The following SORCS3 variants were observed in gnomAD, a reference collection of about 807,000 sequenced individuals.
The protein encoded by SORCS3 is sortilin related VPS10 domain containing receptor 3.
A neutral mutation model predicts 146.3 loss-of-function variants in SORCS3; 57 were observed. The observed-to-expected ratio is 0.39, with a 90% confidence interval of 0.31 to 0.49. The LOEUF (loss-of-function observed/expected upper bound fraction) is 0.49. SORCS3 is among the 20% of genes least tolerant of loss of function. SORCS3 has a pLI of 0.92. For missense variants in SORCS3, 1,341 were observed against 1,575.5 expected (o/e 0.85, Z 2.52); for synonymous variants, 653 against 618.5 (o/e 1.06, Z -0.83).
chr10:104,953,487 C>T (rs1374151480), intron 3 of SORCS3, among the ~76,000 whole-genome samples: 1 of 152,210 alleles, frequency 6.6e-6, no homozygotes, highest in Non-Finnish European at 1.5e-5. Flanking sequence ...TTAGAAATTC[C>T]TATTTAAGAT....
chr10:105,013,061 A>T (rs529563473), intron 4 of SORCS3, among the ~76,000 whole-genome samples: 2 of 152,314 alleles, frequency 1.3e-5, no homozygotes, highest in East Asian at 3.9e-4. Context: ...ATGTTAGAAA[A>T]ATCTAAAAGT....
At chr10:105,165,087 T>C (rs976504532) in intron 12 of SORCS3, among the ~76,000 whole-genome samples, 3 of 152,162 alleles carry the variant, frequency 2.0e-5, no homozygotes. Context: ...TAAATTTAAA[T>C]ACTCTCTTAT....
chr10:105,238,262 G>A (rs1277757342), intron 20 of SORCS3, among the ~76,000 whole-genome samples: 1 of 152,204 alleles, frequency 6.6e-6, no homozygotes, highest in Non-Finnish European at 1.5e-5. Context: ...ATGCAAAGCA[G>A]TGTAAATTCC....
chr10:105,165,590 T>C (rs1039244185), intron 12 of SORCS3, among the ~76,000 whole-genome samples: 5 of 152,134 alleles, frequency 3.3e-5, no homozygotes, highest in African/African-American at 9.7e-5. Context: ...TTAAGGTTCC[T>C]ACCCACAAGG....
intron 1 of SORCS3, among the ~76,000 whole-genome samples, chr10:104,835,197 G>A (rs1440227298): frequency 6.6e-6 from 1 of 152,138 alleles, no homozygotes; most frequent in African/African-American, 2.4e-5. Context: ...CCCTGCAGGG[G>A]AGGCTCCTCT....
At chr10:104,741,134 A>ATTTTTTTTTTTTTTTTTTTTTTT (rs34447542) in intron 1 of SORCS3, among the ~76,000 whole-genome samples, 1 of 104,900 alleles carries the variant, frequency 9.5e-6, no homozygotes, top group Non-Finnish European at 1.8e-5. Context: ...GATAATTTAA[A>ATTTTTTTTTTTTTTTTTTTTTTT]TTTTTTTTTT....
chr10:104,754,624 T>A (rs2017026618), intron 1 of SORCS3, among the ~76,000 whole-genome samples: 1 of 151,900 alleles, frequency 6.6e-6, no homozygotes, highest in African/African-American at 2.4e-5. Context: ...AGACTTGGAG[T>A]TGAGAGCAGT....
intron 2 of SORCS3, among the ~76,000 whole-genome samples, chr10:104,845,972 G>A (rs1162762065): frequency 6.6e-6 from 1 of 152,098 alleles, no homozygotes; most frequent in Non-Finnish European, 1.5e-5. Context: ...CACAGAAGGG[G>A]CCCAAGCAAA....
intron 13 of SORCS3, among the ~76,000 whole-genome samples, chr10:105,177,059 T>G (rs1457447691): frequency 1.3e-5 from 2 of 151,912 alleles, no homozygotes; most frequent in Non-Finnish European, 2.9e-5. Context: ...TTTTCAATGA[T>G]AAGACATACA....
Position 105,211,248 on chromosome 10 carries a change from T to TGG in SORCS3, c.2375_2375+1dup. On this transcript the variant is annotated frameshift_variant and splice_region_variant, in exon 17 of 27. Transcript: ENST00000369701. LOFTEE classifies it high-confidence loss of function. ...TTGGTCAAAGCTACCTTAACAGCACTGGGTAAGTAAAACACCTACAGGAAC... is the reference window on the plus strand; with the variant it reads ...TTGGTCAAAGCTACCTTAACAGCACTGGGGGTAAGTAAAACACCTACAGGAAC... 1 of 1,611,250 alleles carries TGG rather than the reference T, an allele frequency of 6.2e-7. No individual in the cohort carries two copies. Among genetic ancestry groups the TGG allele is most frequent in the East Asian group, 2.2e-5 (1 of 44,830 alleles).
At chr10:105,180,614 C>T (rs1360805490) in intron 14 of SORCS3, among the ~76,000 whole-genome samples, 2 of 152,094 alleles carry the variant, frequency 1.3e-5, no homozygotes, top group Admixed American at 1.3e-4. Flanking sequence ...TCTTAAAACC[C>T]ATGGAGCCCT....
intron 20 of SORCS3, among the ~76,000 whole-genome samples, chr10:105,230,430 T>G (rs1193068385): frequency 6.6e-6 from 1 of 151,972 alleles, no homozygotes; most frequent in Non-Finnish European, 1.5e-5. Flanking sequence ...GTCAGGTGGG[T>G]GGGAAATACA....
chr10:105,047,176 T>C lies in SORCS3; in HGVS notation c.1028+4048T>C, dbSNP rs117776445. On this transcript the variant is annotated intron_variant, in intron 5 of 26. Transcript: ENST00000369701. ...TTTGCACATCCAATGTGAATACTTG[T>C]TGTGATTCACAGCTTTGCTCCTGTG... is the stretch of plus-strand genomic sequence containing the variant. Among the ~76,000 whole-genome samples the C allele has an allele frequency of 1.6e-4, 24 of 152,160 alleles. No individual in the cohort carries two copies. In the East Asian group the frequency reaches 4.3e-3, roughly 27 times the overall value.
At chr10:104,849,580 T>G (rs2018248771) in intron 2 of SORCS3, among the ~76,000 whole-genome samples, 1 of 152,182 alleles carries the variant, frequency 6.6e-6, no homozygotes, top group Non-Finnish European at 1.5e-5. Flanking sequence ...GCTTACTAGC[T>G]ATAACACCTT....
At position 105,263,482 on chromosome 10, in the gene SORCS3, A is replaced by C; in HGVS notation, c.*108A>C. The C allele has an allele frequency of 1.8e-6, 2 of 1,105,586 alleles. No homozygotes were observed. The highest frequency in any genetic ancestry group is 2.6e-6 in the Non-Finnish European group (2 of 759,016). 68.5% of individuals were successfully genotyped at this position (1,105,586 alleles called of 1,614,324 possible). A position where few individuals can be genotyped will look rare whatever the true frequency, so the allele number is the denominator to read the frequency against. ...ATGTCTTTTTTACCTTTTGTTTACC[A>C]AGGGCCCCTTCATAAATAGCAGGCA... On this transcript the variant is annotated 3_prime_UTR_variant, in exon 27 of 27. Coordinates refer to ENST00000369701, the MANE Select transcript of SORCS3 (RefSeq NM_014978.3).
At chr10:104,667,963 G>A (rs2015803389) in intron 1 of SORCS3, among the ~76,000 whole-genome samples, 1 of 152,162 alleles carries the variant, frequency 6.6e-6, no homozygotes, top group South Asian at 2.1e-4. Context: ...GTGTCACCTT[G>A]CTGAGCTTTC....
chr10:104,672,259 A>G (rs753238746), intron 1 of SORCS3, among the ~76,000 whole-genome samples: 7 of 152,128 alleles, frequency 4.6e-5, no homozygotes, highest in Non-Finnish European at 7.4e-5. Flanking sequence ...TTGGCATACA[A>G]TTGTTCATAG....
rs116468400 is a variant in SORCS3, at chr10:104,990,543, C to G, written c.954+13050C>G. The stretch of plus-strand genomic sequence containing the variant: ...CCTAGGTTTCCACCCAGGAATTACC[C>G]TTTGACATTTCTATGTTCCTAATCT... On this transcript the variant is annotated intron_variant, in intron 4 of 26. Coordinates refer to ENST00000369701, the MANE Select transcript of SORCS3 (RefSeq NM_014978.3). Among the ~76,000 whole-genome samples, 1,274 of 152,132 alleles carry G rather than the reference C, an allele frequency of 8.4e-3. 21 individuals carry two copies. The highest frequency in any genetic ancestry group is 0.03 in the African/African-American group (1,230 of 41,508).
chr10:104,695,164 A>C (rs2016159745), intron 1 of SORCS3, among the ~76,000 whole-genome samples: 1 of 152,146 alleles, frequency 6.6e-6, no homozygotes. Flanking sequence ...TCTATTTTAC[A>C]AGAAATCATA....
Sources: gnomAD v4.1 joint callset for allele counts (sites outside exome capture counted in the v4.1 genomes callset) on GRCh38, gnomAD v4.1.1 for gene constraint, MANE v1.5 for transcripts, NCBI Gene and HGNC (gene_info 2026-07-23, HGNC 2026-07-21) for gene names.